Variants in ZSWIM5 observed in about 807,000 individuals in gnomAD.
The protein encoded by ZSWIM5 is zinc finger SWIM domain-containing protein 5.
Under a neutral mutation model 119.6 loss-of-function variants are expected in ZSWIM5, and 55 were observed. The observed-to-expected ratio is 0.46, with a 90% CI of 0.37 to 0.58. The LOEUF is 0.58. Ranked by LOEUF, ZSWIM5 falls within the 20% of genes least tolerant of loss-of-function variation. The pLI is 0.00. For synonymous variants in ZSWIM5, 537 were observed against 606.9 expected (o/e 0.88, Z 1.69); for missense variants, 1,193 against 1,512.8 (o/e 0.79, Z 3.51).
intron 1 of ZSWIM5, among the ~76,000 whole-genome samples, chr1:45,115,422 G>A (rs1457014058): frequency 4.0e-5 from 6 of 150,454 alleles, no homozygotes; most frequent in East Asian, 2.0e-4. Flanking sequence ...CTTCTCAGAC[G>A]GGGCGGCCGG....
intron 1 of ZSWIM5, among the ~76,000 whole-genome samples, chr1:45,096,457 T>TGC (rs1645402849): frequency 6.9e-6 from 1 of 144,324 alleles, no homozygotes; most frequent in Admixed American, 6.7e-5. Context: ...TGTGTGTGTG[T>TGC]GTGTGCGTGT....
chr1:45,091,721 CAT>C (rs1254881871), intron 1 of ZSWIM5, among the ~76,000 whole-genome samples: 1 of 152,032 alleles, frequency 6.6e-6, no homozygotes, highest in Non-Finnish European at 1.5e-5. Flanking sequence ...CAAAATGAAA[CAT>C]AGAAACATTT....
chr1:45,055,445 C>T (rs1240735484), intron 4 of ZSWIM5, among the ~76,000 whole-genome samples: 1 of 152,106 alleles, frequency 6.6e-6, no homozygotes, highest in Non-Finnish European at 1.5e-5. Flanking sequence ...CAAGATAATA[C>T]ATCTTGATGC....
chr1:45,157,996 C>T (rs1645840528), intron 1 of ZSWIM5, among the ~76,000 whole-genome samples: 1 of 151,916 alleles, frequency 6.6e-6, no homozygotes, highest in Non-Finnish European at 1.5e-5. Flanking sequence ...ATCTTTTGTC[C>T]ATATCTTATT....
intron 8 of ZSWIM5, among the ~76,000 whole-genome samples, chr1:45,037,858 T>C (rs368703748): frequency 1.3e-5 from 2 of 152,224 alleles, no homozygotes; most frequent in African/African-American, 4.8e-5. Flanking sequence ...TTTCAGGAAG[T>C]AAGCACGGTT....
intron 1 of ZSWIM5, among the ~76,000 whole-genome samples, chr1:45,090,708 T>C (rs1645359845): frequency 6.6e-6 from 1 of 152,022 alleles, no homozygotes; most frequent in Non-Finnish European, 1.5e-5. Flanking sequence ...CTTGTAGTCC[T>C]AGCTACTTCA....
intron 10 of ZSWIM5, 125 bp downstream of exon 10, chr1:45,035,563 C>G: frequency 3.2e-6 from 4 of 1,238,464 alleles, no homozygotes; most frequent in Non-Finnish European, 4.5e-6. Flanking sequence ...TTTTAAGGTA[C>G]ACTTGGTAGC....
chr1:45,024,190 TTC>T (rs1375309099), intron 11 of ZSWIM5, among the ~76,000 whole-genome samples: 1 of 102,516 alleles, frequency 9.8e-6, no homozygotes, highest in African/African-American at 3.1e-5. Context: ...TTCTTTTCTT[TTC>T]TTTTTTTTTT....
At chr1:45,196,965 G>C (rs1646129404) in intron 1 of ZSWIM5, among the ~76,000 whole-genome samples, 1 of 152,142 alleles carries the variant, frequency 6.6e-6, no homozygotes, top group Non-Finnish European at 1.5e-5. Context: ...CTTACTCTGA[G>C]TTCCTGGAGA....
chr1:45,045,686 T>C (rs1324586870), intron 5 of ZSWIM5, among the ~76,000 whole-genome samples: 7 of 152,154 alleles, frequency 4.6e-5, no homozygotes, highest in African/African-American at 1.7e-4. Flanking sequence ...GGTACTGGGC[T>C]CCCAATATAT....
intron 2 of ZSWIM5, among the ~76,000 whole-genome samples, chr1:45,081,298 A>G (rs547391699): frequency 1.4e-5 from 2 of 141,250 alleles, no homozygotes; most frequent in Non-Finnish European, 3.1e-5. Context: ...CCCTCTCCCC[A>G]TGGTCTCCCT....
At position 45,150,187 on chromosome 1, in the gene ZSWIM5, A is replaced by G. The variant is rs187588363; in HGVS notation, c.595+55569T>C. On this transcript the variant is annotated intron_variant, in intron 1 of 13. Transcript: ENST00000359600. ...TCTATCTCTTAAAAAAAAAAAAAAA[A>G]AAAAGAAAAAGAAAAGAAAAAAAGA... Among the ~76,000 whole-genome samples the G allele has an allele frequency of 2.9e-3, 424 of 148,612 alleles. 3 individuals are homozygous for G. The highest frequency in any genetic ancestry group is 0.025 in the East Asian group (128 of 5,172).
At chr1:45,053,692 G>A (rs1645103408) in intron 4 of ZSWIM5, among the ~76,000 whole-genome samples, 1 of 143,714 alleles carries the variant, frequency 7.0e-6, no homozygotes, top group South Asian at 2.2e-4. Context: ...GAGTCCAGGA[G>A]GCAAAGGTTG....
At chr1:45,121,273 C>G (rs1485757964) in intron 1 of ZSWIM5, among the ~76,000 whole-genome samples, 4 of 152,236 alleles carry the variant, frequency 2.6e-5, no homozygotes, top group Non-Finnish European at 4.4e-5. Context: ...TAATTCAACT[C>G]TTTGGATTAT....
At chr1:45,168,664 CAAAAAAA>C (rs1024002696) in intron 1 of ZSWIM5, among the ~76,000 whole-genome samples, 1 of 39,226 alleles carries the variant, frequency 2.5e-5, no homozygotes, top group Admixed American at 2.4e-4. Context: ...GACTCCATCT[CAAAAAAA>C]AAAAAAAAAA....
rs534925392 is a variant in ZSWIM5 at position 45,169,856 on chromosome 1, T to A, written c.595+35900A>T. On this transcript the variant is annotated intron_variant, in intron 1 of 13. Coordinates refer to ENST00000359600, the MANE Select transcript of ZSWIM5 (RefSeq NM_020883.2). ...ACATCACTTAATACACAGCATGCACTAAAAAAAGTATTAAAACCTATATTA... is the reference window on the plus strand; with the variant it reads ...ACATCACTTAATACACAGCATGCACAAAAAAAAGTATTAAAACCTATATTA... 2.2e-4 allele frequency among the ~76,000 whole-genome samples: 33 copies of A among 152,100 alleles called. No individual in the cohort carries two copies. The South Asian group carries it at 6.2e-3, about 29-fold the overall frequency.
At chr1:45,157,334 T>G (rs1645832814) in intron 1 of ZSWIM5, among the ~76,000 whole-genome samples, 1 of 151,852 alleles carries the variant, frequency 6.6e-6, no homozygotes, top group East Asian at 1.9e-4. Context: ...GCCACCACAT[T>G]TGGCTAATTT....
intron 5 of ZSWIM5, among the ~76,000 whole-genome samples, chr1:45,045,730 C>T (rs1243381691): frequency 6.6e-6 from 1 of 152,086 alleles, no homozygotes; most frequent in Non-Finnish European, 1.5e-5. Flanking sequence ...ATAATTTCTG[C>T]CTACTATACA....
chr1:45,122,094 A>T (rs1645596537), intron 1 of ZSWIM5, among the ~76,000 whole-genome samples: 1 of 152,226 alleles, frequency 6.6e-6, no homozygotes, highest in African/African-American at 2.4e-5. Context: ...CTTACTCATT[A>T]ACTTATTTAA....
Sources: gnomAD v4.1 joint callset for allele counts (sites outside exome capture counted in the v4.1 genomes callset) on GRCh38, gnomAD v4.1.1 for gene constraint, MANE v1.5 for transcripts, NCBI Gene and HGNC (gene_info 2026-07-23, HGNC 2026-07-21) for gene names.